The following CHD9 variants were observed in gnomAD, a reference collection of about 807,000 sequenced individuals.
The protein encoded by CHD9 is ATP-dependent chromatin remodeler CHD9.
CHD9 carries 77 observed loss-of-function variants against 316.1 expected under a neutral mutation model. The ratio of observed to expected loss-of-function variants is 0.24; its 90% CI spans 0.20 to 0.29. The LOEUF is 0.29. CHD9 is among the 10% of genes least tolerant of loss of function. The pLI is 1.00. For missense variants in CHD9, 2,763 were observed against 3,438.1 expected, an observed-to-expected ratio of 0.80 and a Z score of 4.91; for synonymous variants, 1,129 against 1,158.3, an observed-to-expected ratio of 0.97 and a Z score of 0.51.
intron 30 of CHD9, among the ~76,000 whole-genome samples, chr16:53,301,767 C>CTTTTTTTTTT (rs199846098): frequency 4.0e-5 from 5 of 126,228 alleles, no homozygotes; most frequent in Non-Finnish European, 5.0e-5. Context: ...TCTTTTTTTT[C>CTTTTTTTTTT]TTTTTTTTTT....
At chr16:53,253,184 G>C (rs950844391) in intron 17 of CHD9, among the ~76,000 whole-genome samples, 8 of 151,760 alleles carry the variant, frequency 5.3e-5, no homozygotes, top group Non-Finnish European at 8.8e-5. Flanking sequence ...TAAAGAAACT[G>C]TGGTGGGTAT....
chr16:53,058,799 T>A (rs538597270), intron 1 of CHD9, among the ~76,000 whole-genome samples: 1 of 152,336 alleles, frequency 6.6e-6, no homozygotes, highest in African/African-American at 2.4e-5. Flanking sequence ...TCCAACTTAA[T>A]CTAATGTTGA....
chr16:53,151,373 T>C (rs965959671), intron 1 of CHD9, among the ~76,000 whole-genome samples: 11 of 151,592 alleles, frequency 7.3e-5, no homozygotes, highest in African/African-American at 2.7e-4. Flanking sequence ...TGCCTCAGCC[T>C]CTCCCAAGTA....
chr16:53,174,696 T>C lies in CHD9; in HGVS notation c.1452+17155T>C, dbSNP rs545405753. Among the ~76,000 whole-genome samples, 16 of 152,246 alleles carry C rather than the reference T, an allele frequency of 1.1e-4. No individual in the cohort carries two copies. In the South Asian group the frequency reaches 2.7e-3, roughly 26 times the overall value. ...CGATCATGGCTCTGTGCAGCTTCAA[T>C]GTCCTGGGCTCAAGCAGTTCTCCCA... On this transcript the variant is annotated intron_variant, in intron 2 of 38. Transcript: ENST00000447540.
At chr16:53,077,529 A>G (rs2034646369) in intron 1 of CHD9, among the ~76,000 whole-genome samples, 1 of 151,162 alleles carries the variant, frequency 6.6e-6, no homozygotes, top group African/African-American at 2.4e-5. Flanking sequence ...GGGTTTCACC[A>G]TGTTAGCCAG....
chr16:53,248,520 T>G (rs1245599362), intron 16 of CHD9, among the ~76,000 whole-genome samples: 1 of 133,682 alleles, frequency 7.5e-6, no homozygotes, highest in Non-Finnish European at 1.6e-5. Flanking sequence ...GTTGGTTTTT[T>G]TTTTTGTTTT....
At chr16:53,307,000 G>A (rs140092364) in intron 32 of CHD9, among the ~76,000 whole-genome samples, 302 of 152,048 alleles carry the variant, frequency 2.0e-3, no homozygotes, top group African/African-American at 7.0e-3. Flanking sequence ...GGATGGTCTC[G>A]AACTCCTGAC....
At position 53,321,773 on chromosome 16, in the gene CHD9, A is replaced by G. The variant is rs2057284949; in HGVS notation, c.7818+143A>G. 1.2e-5 allele frequency: 6 copies of G among 506,654 alleles called. No homozygotes were observed. The Admixed American group carries it at 1.7e-4, about 14-fold the overall frequency. 31.4% of individuals were successfully genotyped at this position (506,654 alleles called of 1,614,324 possible). On this transcript the variant is annotated intron_variant, in intron 38 of 38. Coordinates refer to ENST00000447540, the MANE Select transcript of CHD9 (RefSeq NM_001308319.2). Reference sequence around the variant, plus strand: ...GTTTGCAATTTTTATTTTGCAGTACATGTTGCAAATTTCTCAGATGCTTCT... The same window carrying G: ...GTTTGCAATTTTTATTTTGCAGTACGTGTTGCAAATTTCTCAGATGCTTCT...
chr16:53,315,686 CCAAGGCTGGT>C (rs923425091), intron 36 of CHD9, among the ~76,000 whole-genome samples: 18 of 152,254 alleles, frequency 1.2e-4, no homozygotes, highest in African/African-American at 3.9e-4. Context: ...ACCATGTTGG[CCAAGGCTGGT>C]CTCAAACTCC....
chr16:53,290,960 T>G (rs1452560359), intron 27 of CHD9, among the ~76,000 whole-genome samples: 3 of 152,090 alleles, frequency 2.0e-5, no homozygotes, highest in Admixed American at 2.0e-4. Flanking sequence ...AGAAGCACTA[T>G]GAAGAGATAG....
chr16:53,208,061 T>G (rs2046023112), intron 2 of CHD9: 26 of 1,000,584 alleles, frequency 2.6e-5, no homozygotes, highest in Non-Finnish European at 3.1e-5. Context: ...GGCTATCTGC[T>G]TACAGCTATT....
At chr16:53,213,671 G>A (rs2046508827) in intron 3 of CHD9, among the ~76,000 whole-genome samples, 1 of 152,128 alleles carries the variant, frequency 6.6e-6, no homozygotes, top group Non-Finnish European at 1.5e-5. Flanking sequence ...TTATGGCCCT[G>A]TTTGGTTTTA....
chr16:53,238,142 A>G (rs2048789330), intron 11 of CHD9, among the ~76,000 whole-genome samples: 1 of 152,000 alleles, frequency 6.6e-6, no homozygotes, highest in Admixed American at 6.6e-5. Flanking sequence ...TGGTATCCTT[A>G]TTTTGGAGCT....
At chr16:53,269,661 C>G (rs957513840) in intron 22 of CHD9, among the ~76,000 whole-genome samples, 1 of 152,104 alleles carries the variant, frequency 6.6e-6, no homozygotes, top group African/African-American at 2.4e-5. Flanking sequence ...CTTGAAACTC[C>G]ACTAGAAAAA....
chr16:53,301,811 G>A (rs2055458506), intron 30 of CHD9, among the ~76,000 whole-genome samples: 1 of 146,402 alleles, frequency 6.8e-6, no homozygotes, highest in Non-Finnish European at 1.5e-5. Context: ...TGTCGCCCAG[G>A]CTGGTATGCA....
At chr16:53,107,961 A>AG (rs2037501222) in intron 1 of CHD9, among the ~76,000 whole-genome samples, 1 of 152,014 alleles carries the variant, frequency 6.6e-6, no homozygotes. Context: ...ATAGGGAGGG[A>AG]GGGGTGAAGG....
chr16:53,192,925 T>A (rs1302578002), intron 2 of CHD9, among the ~76,000 whole-genome samples: 2 of 152,212 alleles, frequency 1.3e-5, no homozygotes, highest in Admixed American at 6.5e-5. Context: ...GAATAAAGCC[T>A]CTATAAACAT....
Position 53,262,976 on chromosome 16 carries a change from A to T in CHD9, c.4210-11A>T, listed in dbSNP as rs1448399976. The T allele has an allele frequency of 1.2e-6, 2 of 1,605,256 alleles. No homozygotes were observed. On this transcript the variant is annotated splice_polypyrimidine_tract_variant and intron_variant, in intron 19 of 38. Coordinates refer to ENST00000447540, the MANE Select transcript of CHD9 (RefSeq NM_001308319.2). ...AGATTTTTCCTCTAAAACTGCCATT[A>T]TATATTTCAGGCGAGTTTTGTGGCA...
chr16:53,207,797 T>TA (rs2046001802), intron 2 of CHD9, among the ~76,000 whole-genome samples: 1 of 152,130 alleles, frequency 6.6e-6, no homozygotes, highest in African/African-American at 2.4e-5. Flanking sequence ...TTTTTTTTTT[T>TA]AATCAGATTT....
Sources: allele counts gnomAD v4.1 joint callset (sites outside exome capture counted in the v4.1 genomes callset), GRCh38; gene constraint gnomAD v4.1.1; transcripts MANE v1.5; gene names NCBI Gene and HGNC (gene_info 2026-07-23, HGNC 2026-07-21).